CAMTA1: variants seen among roughly 807,000 people sequenced by gnomAD.
The protein encoded by CAMTA1 is calmodulin-binding transcription activator 1.
A neutral mutation model predicts 170.9 loss-of-function variants in CAMTA1; 27 were observed. The observed-to-expected ratio is 0.16, with a 90% CI of 0.12 to 0.22. CAMTA1 has a LOEUF of 0.22. CAMTA1 is among the 10% of genes least tolerant of loss of function. The pLI is 1.00. For missense variants in CAMTA1, 1,619 were observed against 2,217.2 expected (o/e 0.73, Z 5.42); for synonymous variants, 833 against 891.5 (o/e 0.93, Z 1.17).
chr1:7,404,724 G>A (rs746393123), intron 5 of CAMTA1, among the ~76,000 whole-genome samples: 2 of 152,140 alleles, frequency 1.3e-5, no homozygotes, highest in Non-Finnish European at 2.9e-5. Context: ...CCTCACCAGA[G>A]CCGCCTACGG....
At chr1:7,568,119 A>G (rs2095066078) in intron 6 of CAMTA1, among the ~76,000 whole-genome samples, 1 of 150,498 alleles carries the variant, frequency 6.6e-6, no homozygotes, top group South Asian at 2.1e-4. Flanking sequence ...CACCATCTCC[A>G]TTATCATCAT....
intron 6 of CAMTA1, among the ~76,000 whole-genome samples, chr1:7,569,347 T>G (rs1373919558): frequency 2.1e-5 from 3 of 142,860 alleles, no homozygotes; most frequent in African/African-American, 7.9e-5. Context: ...ATCATCATCA[T>G]CACTACCACC....
chr1:7,627,377 C>T (rs74955518), intron 6 of CAMTA1, among the ~76,000 whole-genome samples: 1,678 of 152,308 alleles, frequency 0.011, 35 homozygotes, highest in African/African-American at 0.038. Flanking sequence ...AAGTTCCATA[C>T]GATCCTAGGG....
intron 3 of CAMTA1, among the ~76,000 whole-genome samples, chr1:7,072,346 C>T (rs761482705): frequency 2.6e-5 from 4 of 152,212 alleles, no homozygotes; most frequent in Admixed American, 6.5e-5. Context: ...GTGTGGGCTC[C>T]GGAGGCACGC....
chr1:6,935,634 C>T (rs1031274306), intron 3 of CAMTA1, among the ~76,000 whole-genome samples: 8 of 152,178 alleles, frequency 5.3e-5, no homozygotes, highest in African/African-American at 7.2e-5. Flanking sequence ...TTGTCTAATC[C>T]GCCCGACATC....
At chr1:7,159,155 C>T (rs929080534) in intron 4 of CAMTA1, among the ~76,000 whole-genome samples, 3 of 151,654 alleles carry the variant, frequency 2.0e-5, no homozygotes, top group Non-Finnish European at 4.4e-5. Context: ...TTTTAATAGG[C>T]TTTAAATGGT....
In CAMTA1 at chr1:7,463,676, G is replaced by A. The variant is rs1194540168; in HGVS notation, c.439-4154G>A. On this transcript the variant is annotated intron_variant, in intron 5 of 22. Transcript: ENST00000303635. This position sits in a 1 kb window ranked among gnomAD's most constrained non-coding sequence, Gnocchi z 4.7. ...AGAGATAGGAAGAGAGAAACAGATG[G>A]TGGGAGTAGGTGGGGGCAGAAATCT... Among the ~76,000 whole-genome samples, 2 of 152,180 alleles carry A rather than the reference G, an allele frequency of 1.3e-5. No homozygotes were observed. The highest frequency in any genetic ancestry group is 2.9e-5 in the Non-Finnish European group (2 of 68,042).
intron 1 of CAMTA1, among the ~76,000 whole-genome samples, chr1:6,803,798 T>G (rs1644176377): frequency 6.6e-6 from 1 of 152,184 alleles, no homozygotes. Flanking sequence ...CACTGGCACC[T>G]TGAATTCCTG....
At chr1:7,341,969 A>G (rs1479593757) in intron 5 of CAMTA1, among the ~76,000 whole-genome samples, 2 of 152,146 alleles carry the variant, frequency 1.3e-5, no homozygotes, top group Non-Finnish European at 2.9e-5. Context: ...TAAGCACACC[A>G]TGGAGTGGGG....
chr1:7,208,561 A>G (rs1388241111), intron 4 of CAMTA1, among the ~76,000 whole-genome samples: 1 of 152,210 alleles, frequency 6.6e-6, no homozygotes, highest in Non-Finnish European at 1.5e-5. Flanking sequence ...AAATCAAGCC[A>G]GCCCACAGGA....
At chr1:7,282,133 C>T (rs1254130520) in intron 5 of CAMTA1, among the ~76,000 whole-genome samples, 4 of 152,148 alleles carry the variant, frequency 2.6e-5, no homozygotes. Context: ...CTCATTTCTT[C>T]TGGATTTTCT....
chr1:7,461,650 A>G (rs2093091557), intron 5 of CAMTA1, among the ~76,000 whole-genome samples: 1 of 152,238 alleles, frequency 6.6e-6, no homozygotes. Flanking sequence ...ACATTTTCCC[A>G]GAATGGGAGG....
At chr1:7,525,092 C>T (rs988980666) in intron 6 of CAMTA1, among the ~76,000 whole-genome samples, 3 of 152,216 alleles carry the variant, frequency 2.0e-5, no homozygotes, top group African/African-American at 4.8e-5. Flanking sequence ...GCCCCCGTCG[C>T]GCTGCATGAG....
chr1:7,535,745 C>T (rs2094541870), intron 6 of CAMTA1, among the ~76,000 whole-genome samples: 1 of 152,172 alleles, frequency 6.6e-6, no homozygotes, highest in African/African-American at 2.4e-5. Context: ...CTGTGGCCAC[C>T]ACCCTGGGAC....
chr1:7,375,359 A>G (rs2086765325), intron 5 of CAMTA1, among the ~76,000 whole-genome samples: 1 of 152,132 alleles, frequency 6.6e-6, no homozygotes, highest in Non-Finnish European at 1.5e-5. Context: ...CGAAACCACC[A>G]TTGGCCACAC....
Position 7,681,000 on chromosome 1 carries a change from G to T in CAMTA1, c.2914+3267G>T, listed in dbSNP as rs1186865358. Among the ~76,000 whole-genome samples the T allele has an allele frequency of 6.6e-6, 1 of 152,128 alleles. No individual in the cohort carries two copies. The highest frequency in any genetic ancestry group is 1.5e-5 in the Non-Finnish European group (1 of 68,008). On this transcript the variant is annotated intron_variant, in intron 11 of 22. Coordinates refer to ENST00000303635, the MANE Select transcript of CAMTA1 (RefSeq NM_015215.4). This position sits in a 1 kb window ranked among gnomAD's most constrained non-coding sequence, Gnocchi z 4.4. ...TCCCCACGTTGGGGCCGGGGGGCAGGGACCCGACGTCCCCAAAATCTCAGC... is the reference window on the plus strand; with the variant it reads ...TCCCCACGTTGGGGCCGGGGGGCAGTGACCCGACGTCCCCAAAATCTCAGC...
intron 3 of CAMTA1, among the ~76,000 whole-genome samples, chr1:6,830,753 A>C (rs1226367601): frequency 6.6e-6 from 1 of 152,144 alleles, no homozygotes; most frequent in Non-Finnish European, 1.5e-5. Flanking sequence ...ACTACCTCCA[A>C]AATCAAGACA....
At chr1:7,024,388 G>A (rs755474712) in intron 3 of CAMTA1, among the ~76,000 whole-genome samples, 2 of 152,164 alleles carry the variant, frequency 1.3e-5, no homozygotes, top group Non-Finnish European at 2.9e-5. Context: ...GGAAAACAGC[G>A]ACAGTGAGAC....
At chr1:6,915,086 C>T (rs563346514) in intron 3 of CAMTA1, among the ~76,000 whole-genome samples, 22 of 152,264 alleles carry the variant, frequency 1.4e-4, no homozygotes, top group African/African-American at 5.3e-4. Context: ...CTTAATTAAG[C>T]CTTCTGATTT....
Sources: gnomAD v4.1 joint callset for allele counts (sites outside exome capture counted in the v4.1 genomes callset) on GRCh38, gnomAD v4.1.1 for gene constraint, Gnocchi (gnomAD v3.1) non-coding constraint, MANE v1.5 for transcripts, NCBI Gene and HGNC (gene_info 2026-07-23, HGNC 2026-07-21) for gene names.